The following CEP63 variants were observed in gnomAD, a reference collection of about 807,000 sequenced individuals.
CEP63 encodes the protein centrosomal protein 63, also known as centrosomal protein of 63 kDa.
A neutral mutation model predicts 89.1 loss-of-function variants in CEP63; 84 were observed. That is an observed-to-expected ratio of 0.94 (90% CI 0.79 to 1.13). The LOEUF (loss-of-function observed/expected upper bound fraction) is 1.13. Ranked by LOEUF, CEP63 falls within the 50% of genes most tolerant of loss-of-function variation. CEP63 has a pLI of 0.00. For synonymous variants in CEP63, 267 were observed against 272.5 expected (o/e 0.98, Z 0.20); for missense variants, 838 against 813.3 (o/e 1.03, Z -0.37).
chr3:134,677,261 A>T, the CEP63 span, among the ~76,000 whole-genome samples: 6 of 152,318 alleles, frequency 3.9e-5, no homozygotes, highest in East Asian at 1.2e-3. Flanking sequence ...TCCATCTCAA[A>T]AAAAAGTTCT....
the CEP63 span, among the ~76,000 whole-genome samples, chr3:134,693,444 C>CA: frequency 0.45 from 67,745 of 151,612 alleles, 15,681 homozygotes; most frequent in East Asian, 0.63. Flanking sequence ...CTTCTGTAAG[C>CA]AAAAAAAAGA....
At chr3:134,677,355 G>A in the CEP63 span, among the ~76,000 whole-genome samples, 629 of 152,248 alleles carry the variant, frequency 4.1e-3, 2 homozygotes, top group African/African-American at 0.014. Flanking sequence ...TGCTGTTTCC[G>A]TTTCCATGTG....
chr3:134,715,220 T>C, the CEP63 span, among the ~76,000 whole-genome samples: 1 of 152,214 alleles, frequency 6.6e-6, no homozygotes, highest in Non-Finnish European at 1.5e-5. Flanking sequence ...AGCTGTGGCC[T>C]TCTGTTTTAT....
chr3:134,542,596 T>C lies in CEP63; in HGVS notation c.556-2990T>C, dbSNP rs114106014. Among the ~76,000 whole-genome samples the C allele has an allele frequency of 7.6e-3, 1,154 of 152,330 alleles. 17 individuals are homozygous for C. The highest frequency in any genetic ancestry group is 0.026 in the African/African-American group (1,097 of 41,566). On this transcript the variant is annotated intron_variant, in intron 6 of 14. Transcript: ENST00000675561. ...GGATTCTTTGGAAAATAAAAAGCCT[T>C]GTTGCTTCATATCACATTGTTCATA... is the stretch of plus-strand genomic sequence containing the variant.
At chr3:134,636,244 G>T in the CEP63 span, among the ~76,000 whole-genome samples, 1 of 152,200 alleles carries the variant, frequency 6.6e-6, no homozygotes, top group Non-Finnish European at 1.5e-5. Context: ...ATCAATCTAT[G>T]ATCTTATCAG....
the CEP63 span, among the ~76,000 whole-genome samples, chr3:134,735,328 A>G: frequency 0.014 from 2,127 of 152,208 alleles, 25 homozygotes; most frequent in South Asian, 0.028. Context: ...CATTGAACTC[A>G]CAGCCAACAA....
At chr3:134,566,125 A>T (rs905211543), downstream of CEP63, among the ~76,000 whole-genome samples, 7 of 20,256 alleles carry the variant, frequency 3.5e-4, no homozygotes, top group Admixed American at 4.3e-3. Flanking sequence ...CATACAATTC[A>T]CATCTTTTTT....
At chr3:134,767,664 C>T in the CEP63 span, among the ~76,000 whole-genome samples, 5 of 152,154 alleles carry the variant, frequency 3.3e-5, no homozygotes, top group Non-Finnish European at 5.9e-5. Context: ...GGCCTTTTCC[C>T]GACTCCCACA....
the CEP63 span, among the ~76,000 whole-genome samples, chr3:134,641,559 A>T: frequency 1.3e-5 from 2 of 152,098 alleles, no homozygotes; most frequent in Non-Finnish European, 2.9e-5. Context: ...GCCTCTAAAA[A>T]ACGCTGGCCC....
the CEP63 span, among the ~76,000 whole-genome samples, chr3:134,692,681 A>G: frequency 6.6e-6 from 1 of 152,204 alleles, no homozygotes; most frequent in Non-Finnish European, 1.5e-5. Flanking sequence ...TTGAACAACA[A>G]CTTGAGAAGC....
chr3:134,603,679 C>T, the CEP63 span: 1 of 1,613,886 alleles, frequency 6.2e-7, no homozygotes, highest in Non-Finnish European at 8.5e-7. Flanking sequence ...AGCTGTGCTG[C>T]AGCTTCCCTC....
At chr3:134,729,725 T>C in the CEP63 span, among the ~76,000 whole-genome samples, 2 of 152,228 alleles carry the variant, frequency 1.3e-5, no homozygotes, top group Admixed American at 1.3e-4. Context: ...AATTGGTTAA[T>C]GTTACACAGC....
the CEP63 span, among the ~76,000 whole-genome samples, chr3:134,701,668 A>G: frequency 6.6e-6 from 1 of 152,052 alleles, no homozygotes; most frequent in Admixed American, 6.6e-5. Flanking sequence ...AAATGGCACA[A>G]GACAAGGATG....
chr3:134,638,814 C>T, the CEP63 span, among the ~76,000 whole-genome samples: 3 of 152,238 alleles, frequency 2.0e-5, no homozygotes, highest in Non-Finnish European at 4.4e-5. Flanking sequence ...CTCAGAACAC[C>T]TAACGCAGTA....
the CEP63 span, among the ~76,000 whole-genome samples, chr3:134,726,290 C>G: frequency 6.6e-6 from 1 of 152,160 alleles, no homozygotes; most frequent in Non-Finnish European, 1.5e-5. Context: ...CAAAACCTTT[C>G]TGGGCGCCAC....
chr3:134,543,283 A>G (rs918733728), intron 6 of CEP63, among the ~76,000 whole-genome samples: 1 of 152,228 alleles, frequency 6.6e-6, no homozygotes, highest in African/African-American at 2.4e-5. Context: ...AGCACATCTC[A>G]ATTCAGATTA....
At chr3:134,492,070 C>CTTTTTTTTTTTTTTTTTT (rs74269453) in intron 1 of CEP63, among the ~76,000 whole-genome samples, 2 of 103,680 alleles carry the variant, frequency 1.9e-5, no homozygotes, top group African/African-American at 7.5e-5. Flanking sequence ...TATTTGTATT[C>CTTTTTTTTTTTTTTTTTT]TTTTTTTTTT....
intron 10 of CEP63, among the ~76,000 whole-genome samples, chr3:134,549,489 T>C (rs1341977957): frequency 6.6e-6 from 1 of 152,212 alleles, no homozygotes; most frequent in Non-Finnish European, 1.5e-5. Flanking sequence ...CAAAAAAATA[T>C]GAACTGTCAC....
intron 2 of CEP63, among the ~76,000 whole-genome samples, chr3:134,501,155 T>TAAC (rs1244135072): frequency 6.6e-6 from 1 of 152,222 alleles, no homozygotes; most frequent in African/African-American, 2.4e-5. Flanking sequence ...TGTAAGCGTG[T>TAAC]AGCTTTATTT....
Sources: gnomAD v4.1 joint callset for allele counts (sites outside exome capture counted in the v4.1 genomes callset) on GRCh38, gnomAD v4.1.1 for gene constraint, MANE v1.5 for transcripts, NCBI Gene and HGNC (gene_info 2026-07-23, HGNC 2026-07-21) for gene names.